FAXC: variants seen among roughly 807,000 people sequenced by gnomAD.
The protein encoded by FAXC is failed axon connections homolog.
In FAXC, 10 loss-of-function variants were observed where a neutral mutation model predicts 41.9. The ratio of observed to expected loss-of-function variants is 0.24; its 90% CI spans 0.15 to 0.41. The LOEUF is 0.41. FAXC is among the 10% of genes least tolerant of loss of function. The pLI, the probability that FAXC is intolerant of heterozygous loss-of-function variation, is 1.00. For synonymous variants in FAXC, 183 were observed against 183.8 expected, an observed-to-expected ratio of 1.00 and a Z score of 0.03; for missense variants, 399 against 510.9, an observed-to-expected ratio of 0.78 and a Z score of 2.11.
chr6:99,282,705 T>C (rs971890243), intron 5 of FAXC, among the ~76,000 whole-genome samples: 3 of 152,138 alleles, frequency 2.0e-5, no homozygotes, highest in African/African-American at 7.2e-5. Context: ...TACTATCTCT[T>C]ATAGGACATT....
In FAXC at chr6:99,273,029, C is replaced by G. The variant is rs1260873589; in HGVS notation, c.*8135G>C. On this transcript the variant is annotated 3_prime_UTR_variant, in exon 6 of 6. Transcript: ENST00000389677. ...AGTCAACATAGTGCACAATTCAAAT[C>G]TATCTTACAATCAAGTGTACAAGTT... 2 of 152,206 alleles carry G rather than the reference C, an allele frequency of 1.3e-5. No homozygotes were observed. Among genetic ancestry groups the G allele is most frequent in the Non-Finnish European group, 2.9e-5 (2 of 68,044 alleles). The allele number at this position is 152,206 out of a possible 1,614,324, so 9.4% of individuals were successfully genotyped here.
At chr6:99,299,432 T>C (rs1771619171) in intron 4 of FAXC, among the ~76,000 whole-genome samples, 1 of 152,102 alleles carries the variant, frequency 6.6e-6, no homozygotes, top group Non-Finnish European at 1.5e-5. Flanking sequence ...TCCCTATGAG[T>C]CTAAGACATA....
At position 99,275,049 on chromosome 6, in the gene FAXC, A is replaced by G. The variant is rs1013328739; in HGVS notation, c.*6115T>C. On this transcript the variant is annotated 3_prime_UTR_variant, in exon 6 of 6. Transcript: ENST00000389677. The stretch of plus-strand genomic sequence containing the variant: ...GTTGGATCTTATTTTTTTAGAAGCC[A>G]TGGGGTAACTAAAAACAAAAAAGGT... 3 of 152,148 alleles carry G rather than the reference A, an allele frequency of 2.0e-5. No homozygotes were observed. Among genetic ancestry groups the G allele is most frequent in the African/African-American group, 7.2e-5 (3 of 41,438 alleles). 9.4% of individuals were successfully genotyped at this position (152,148 alleles called of 1,614,324 possible).
intron 3 of FAXC, among the ~76,000 whole-genome samples, chr6:99,331,045 CA>C (rs1435719140): frequency 6.6e-6 from 1 of 152,158 alleles, no homozygotes. Flanking sequence ...CCTTAAGAAA[CA>C]GATTTGTTTT....
intron 4 of FAXC, among the ~76,000 whole-genome samples, chr6:99,299,476 A>G (rs1235634143): frequency 6.6e-6 from 1 of 152,226 alleles, no homozygotes; most frequent in Non-Finnish European, 1.5e-5. Context: ...AGGGCTCCCT[A>G]TACCTGAGCA....
chr6:99,336,746 G>A (rs6914757), intron 2 of FAXC, among the ~76,000 whole-genome samples: 2 of 151,926 alleles, frequency 1.3e-5, no homozygotes, highest in Non-Finnish European at 2.9e-5. Flanking sequence ...CTCATCTGTA[G>A]AGTGGGGATA....
chr6:99,317,911 G>C (rs1400383895), intron 4 of FAXC, among the ~76,000 whole-genome samples: 2 of 152,144 alleles, frequency 1.3e-5, no homozygotes, highest in African/African-American at 4.8e-5. Context: ...TCTTCTATCA[G>C]TTTTCCTGGC....
chr6:99,310,239 T>A (rs1772104640), intron 4 of FAXC, among the ~76,000 whole-genome samples: 1 of 152,200 alleles, frequency 6.6e-6, no homozygotes, highest in Non-Finnish European at 1.5e-5. Context: ...TAGGCCTGAT[T>A]TGTTCTAGAT....
At chr6:99,284,853 G>C (rs1021681251) in intron 5 of FAXC, among the ~76,000 whole-genome samples, 6 of 151,704 alleles carry the variant, frequency 4.0e-5, no homozygotes, top group African/African-American at 1.5e-4. Flanking sequence ...GGCAGAGGCT[G>C]CAGTGAGCCG....
In FAXC at chr6:99,349,621, C is replaced by T. The variant is rs964074759; in HGVS notation, c.-249G>A. The T allele has an allele frequency of 6.5e-6, 1 of 153,342 alleles. No homozygotes were observed. The highest frequency in any genetic ancestry group is 2.4e-5 in the African/African-American group (1 of 41,368). The allele number at this position is 153,342 out of a possible 1,614,324, so 9.5% of individuals were successfully genotyped here. ...TGGGCGGCAGCAGCGGCCGCCGGCT[C>T]CCCCCGCAGCTGCCTCTCCGCCCCG... On this transcript the variant is annotated 5_prime_UTR_variant, in exon 1 of 6. Transcript: ENST00000389677.
chr6:99,325,235 A>G (rs1772754901), intron 3 of FAXC, among the ~76,000 whole-genome samples: 1 of 152,148 alleles, frequency 6.6e-6, no homozygotes, highest in South Asian at 2.1e-4. Context: ...ATCATTGTAT[A>G]TAGTTCTGTT....
chr6:99,315,779 T>C (rs1203229993), intron 4 of FAXC, among the ~76,000 whole-genome samples: 1 of 152,228 alleles, frequency 6.6e-6, no homozygotes, highest in Non-Finnish European at 1.5e-5. Context: ...GGCTATCTGC[T>C]AACAGCATTC....
chr6:99,281,460 T>G lies in FAXC; in HGVS notation c.941-7A>C, dbSNP rs1222060187. Reference sequence around the variant, plus strand: ...GCAAGGTTGATCAGCTCACCTGCAGTGTGGTAAGGAAAGCAAGGATTAGTT... The same window carrying G: ...GCAAGGTTGATCAGCTCACCTGCAGGGTGGTAAGGAAAGCAAGGATTAGTT... On this transcript the variant is annotated splice_polypyrimidine_tract_variant and splice_region_variant and intron_variant, in intron 5 of 5. Coordinates refer to ENST00000389677, the MANE Select transcript of FAXC (RefSeq NM_032511.4). The G allele has an allele frequency of 2.5e-6, 4 of 1,605,308 alleles. No homozygotes were observed.
At chr6:99,321,026 T>A (rs1453809696) in intron 4 of FAXC, among the ~76,000 whole-genome samples, 3 of 152,344 alleles carry the variant, frequency 2.0e-5, no homozygotes, top group African/African-American at 7.2e-5. Flanking sequence ...ATTTTTTCCC[T>A]ACACTTTAAT....
intron 4 of FAXC, among the ~76,000 whole-genome samples, chr6:99,316,415 G>GCCTTGTCTTTGGAT (rs145096124): frequency 0.011 from 1,701 of 152,206 alleles, 26 homozygotes; most frequent in African/African-American, 0.038. Context: ...CAAGAGTCCA[G>GCCTTGTCTTTGGAT]CCTTGTCTTT....
chr6:99,346,897 T>G (rs1478024386), intron 1 of FAXC, among the ~76,000 whole-genome samples: 1 of 152,194 alleles, frequency 6.6e-6, no homozygotes, highest in Non-Finnish European at 1.5e-5. Flanking sequence ...TCCTACTAAG[T>G]ATTCAGAAAT....
chr6:99,337,216 T>C (rs1281946846), intron 2 of FAXC, among the ~76,000 whole-genome samples: 2 of 150,752 alleles, frequency 1.3e-5, no homozygotes, highest in African/African-American at 2.4e-5. Flanking sequence ...GTAAAGGGCA[T>C]GGGGGTGTGC....
intron 3 of FAXC, among the ~76,000 whole-genome samples, chr6:99,329,848 CTGTG>C (rs367663322): frequency 3.3e-5 from 5 of 150,448 alleles, no homozygotes; most frequent in African/African-American, 1.2e-4. Flanking sequence ...GTTCTAATGC[CTGTG>C]TGTATGTGTG....
At chr6:99,295,920 G>C (rs368827140) in intron 4 of FAXC, among the ~76,000 whole-genome samples, 2 of 152,306 alleles carry the variant, frequency 1.3e-5, no homozygotes, top group East Asian at 3.9e-4. Context: ...ATTGGTGGAT[G>C]TTATCTGAAG....
Sources: gnomAD v4.1 joint callset for allele counts (sites outside exome capture counted in the v4.1 genomes callset) on GRCh38, gnomAD v4.1.1 for gene constraint, MANE v1.5 for transcripts, NCBI Gene and HGNC (gene_info 2026-07-23, HGNC 2026-07-21) for gene names.